Variants in PPHLN1 observed in about 807,000 individuals in gnomAD.
The protein encoded by PPHLN1 is periphilin 1.
Under a neutral mutation model 51.3 loss-of-function variants are expected in PPHLN1, and 29 were observed. The ratio of observed to expected loss-of-function variants is 0.57; its 90% CI spans 0.42 to 0.77. The LOEUF (loss-of-function observed/expected upper bound fraction) is 0.77, where lower values mean the gene tolerates loss of function less well. Among genes scored for constraint, PPHLN1 ranks in the 30% least tolerant of loss-of-function variants. The pLI, the probability that PPHLN1 is intolerant of heterozygous loss-of-function variation, is 0.00. For missense variants in PPHLN1, 436 were observed against 438.4 expected, an observed-to-expected ratio of 0.99 and a Z score of 0.05; for synonymous variants, 147 against 147.8, an observed-to-expected ratio of 0.99 and a Z score of 0.04.
At chr12:42,432,427 TACAAA>T in intron 9 of PPHLN1, 1 of 757,618 alleles carries the variant, frequency 1.3e-6, no homozygotes, top group South Asian at 1.4e-5. Context: ...TGCCAACAAA[TACAAA>T]TGGAATCATA....
At chr12:42,422,966 C>A (rs1456324125) in intron 9 of PPHLN1, among the ~76,000 whole-genome samples, 1 of 152,150 alleles carries the variant, frequency 6.6e-6, no homozygotes, top group East Asian at 1.9e-4. Flanking sequence ...TAACTAACAC[C>A]CGGTATTTAC....
rs569747670 is a variant in PPHLN1, at chr12:42,381,321, A to G, written c.512-3619A>G. Among the ~76,000 whole-genome samples the G allele has an allele frequency of 5.9e-5, 9 of 152,356 alleles. No individual in the cohort carries two copies. In the East Asian group the frequency reaches 1.7e-3, roughly 29 times the overall value. Reference sequence around the variant, plus strand: ...TAAAACAGAAATCAATTAATGCCATATGCATAGGCATTTTATTATATCCCT... The same window carrying G: ...TAAAACAGAAATCAATTAATGCCATGTGCATAGGCATTTTATTATATCCCT... On this transcript the variant is annotated intron_variant, in intron 5 of 9. Coordinates refer to ENST00000358314, the MANE Select transcript of PPHLN1 (RefSeq NM_201439.2).
At chr12:42,360,373 C>T (rs1039190129) in intron 4 of PPHLN1, among the ~76,000 whole-genome samples, 2 of 149,514 alleles carry the variant, frequency 1.3e-5, no homozygotes, top group African/African-American at 4.9e-5. Flanking sequence ...TAGGTTTGTC[C>T]AGCGTTTCTT....
intron 4 of PPHLN1, among the ~76,000 whole-genome samples, chr12:42,372,915 C>A (rs1345568354): frequency 6.6e-6 from 1 of 152,200 alleles, no homozygotes; most frequent in Non-Finnish European, 1.5e-5. Flanking sequence ...GGCATCCCGT[C>A]TTTCACACTT....
At chr12:42,371,337 T>C (rs1408453367) in intron 4 of PPHLN1, among the ~76,000 whole-genome samples, 3 of 151,898 alleles carry the variant, frequency 2.0e-5, no homozygotes, top group Non-Finnish European at 2.9e-5. Context: ...ATGCTGGTCT[T>C]ACACTCCTGG....
chr12:42,443,821 A>G (rs1277462687), downstream of PPHLN1: 1 of 152,204 alleles, frequency 6.6e-6, no homozygotes, highest in African/African-American at 2.4e-5. Context: ...GTTGTTACTG[A>G]CTTAAAAGAC....
chr12:42,418,397 G>A (rs1249250696), intron 9 of PPHLN1, among the ~76,000 whole-genome samples: 2 of 151,720 alleles, frequency 1.3e-5, no homozygotes, highest in Non-Finnish European at 2.9e-5. Flanking sequence ...ACGTGTAAAC[G>A]TGTTAAATGC....
downstream of PPHLN1, chr12:42,442,857 CA>C: frequency 6.7e-7 from 1 of 1,488,130 alleles, no homozygotes; most frequent in Non-Finnish European, 9.0e-7. Context: ...AGTATTGAAA[CA>C]ACTGCTTAAA....
At chr12:42,359,461 A>G (rs917314518) in intron 4 of PPHLN1, 4 of 152,252 alleles carry the variant, frequency 2.6e-5, no homozygotes, top group Admixed American at 6.5e-5. Context: ...GAGTATTTGT[A>G]CTGTCCACAC....
chr12:42,425,969 AC>A (rs2081419254), intron 9 of PPHLN1, among the ~76,000 whole-genome samples: 1 of 152,232 alleles, frequency 6.6e-6, no homozygotes, highest in African/African-American at 2.4e-5. Context: ...TCCCATTTCA[AC>A]CATAAAATGC....
In PPHLN1 at chr12:42,355,200, G is replaced by T; in HGVS notation, c.277G>T (p.Ala93Ser). Reference protein sequence around the residue: ...GYRWTRDDHSASRQPEYRDMR... With the variant: ...GYRWTRDDHSSSRQPEYRDMR... ...TAGATGGACAAGAGACGATCATTCT[G>T]CAAGCAGGCAACCTGAATACAGGTA... The change falls in exon 4 of 10, where the codon GCA becomes TCA. Residue 93 changes from alanine (A) to serine (S), a missense_variant. Ala to Ser is a moderately conservative substitution (Grantham distance 99). Coordinates refer to ENST00000358314, the MANE Select transcript of PPHLN1 (RefSeq NM_201439.2). 1 of 1,613,612 alleles carries T rather than the reference G, an allele frequency of 6.2e-7. No individual in the cohort carries two copies. The highest frequency in any genetic ancestry group is 8.5e-7 in the Non-Finnish European group (1 of 1,179,730).
downstream of PPHLN1, chr12:42,445,428 G>A (rs1339503501): frequency 3.1e-6 from 1 of 324,750 alleles, no homozygotes; most frequent in Non-Finnish European, 5.7e-6. Flanking sequence ...ATGGCAAACA[G>A]ATGTTACACA....
At chr12:42,395,400 C>A (rs2078109276) in intron 8 of PPHLN1, among the ~76,000 whole-genome samples, 1 of 152,000 alleles carries the variant, frequency 6.6e-6, no homozygotes, top group Admixed American at 6.6e-5. Context: ...TATTTTTCTA[C>A]TTAGATTGAT....
At chr12:42,355,721 A>C (rs1193882367) in intron 4 of PPHLN1, 1 of 150,516 alleles carries the variant, frequency 6.6e-6, no homozygotes, top group Non-Finnish European at 1.5e-5. Flanking sequence ...GCTGCACTCC[A>C]GCCTGGGCAA....
intron 1 of PPHLN1, among the ~76,000 whole-genome samples, chr12:42,335,480 A>G (rs778783128): frequency 6.6e-6 from 1 of 152,166 alleles, no homozygotes; most frequent in Non-Finnish European, 1.5e-5. Flanking sequence ...ATTTATACGA[A>G]CTATTCACCA....
downstream of PPHLN1, chr12:42,442,773 A>G (rs746365676): frequency 6.2e-6 from 10 of 1,611,934 alleles, no homozygotes; most frequent in African/African-American, 1.3e-5. Flanking sequence ...GGGATTTCCA[A>G]GTTCAGGGGA....
intron 5 of PPHLN1, among the ~76,000 whole-genome samples, chr12:42,382,423 A>G (rs1429836926): frequency 6.6e-6 from 1 of 151,798 alleles, no homozygotes; most frequent in East Asian, 1.9e-4. Flanking sequence ...CTCCTTCCTA[A>G]TGTGGAACCC....
downstream of PPHLN1, chr12:42,443,072 G>GATAC: frequency 4.9e-6 from 1 of 204,870 alleles, no homozygotes; most frequent in South Asian, 9.9e-5. Context: ...AGGCTACTTT[G>GATAC]GCCTTGCTCT....
chr12:42,435,511 C>T (rs1566032488), intron 9 of PPHLN1, among the ~76,000 whole-genome samples: 1 of 152,120 alleles, frequency 6.6e-6, no homozygotes, highest in Non-Finnish European at 1.5e-5. Flanking sequence ...AGTTTTGACA[C>T]CTTCTGCATT....
Sources: gnomAD v4.1 joint callset for allele counts (sites outside exome capture counted in the v4.1 genomes callset) on GRCh38, gnomAD v4.1.1 for gene constraint, MANE v1.5 for transcripts, NCBI Gene and HGNC (gene_info 2026-07-23, HGNC 2026-07-21) for gene names.